The following NINL variants were observed in gnomAD, a reference collection of about 807,000 sequenced individuals.
NINL encodes the protein ninein-like protein.
NINL carries 153 observed loss-of-function variants against 160.3 expected under a neutral mutation model. The observed-to-expected ratio is 0.95, with a 90% CI of 0.84 to 1.09. The LOEUF is 1.09. Among genes scored for constraint, NINL ranks in the 50% least tolerant of loss-of-function variants. NINL has a pLI of 0.00. For missense variants in NINL, 1,829 were observed against 1,764.0 expected, an observed-to-expected ratio of 1.04 and a Z score of -0.66; for synonymous variants, 800 against 734.8, an observed-to-expected ratio of 1.09 and a Z score of -1.43.
At chr20:25,483,490 T>C (rs1375373813) in intron 13 of NINL, among the ~76,000 whole-genome samples, 1 of 152,284 alleles carries the variant, frequency 6.6e-6, no homozygotes, top group African/African-American at 2.4e-5. Flanking sequence ...CCACTGAATT[T>C]GCAAAGGGTT....
intron 18 of NINL, among the ~76,000 whole-genome samples, chr20:25,468,978 T>C (rs1476554865): frequency 5.5e-4 from 59 of 107,212 alleles, no homozygotes; most frequent in African/African-American, 7.7e-4. Flanking sequence ...CCCTGTCCCC[T>C]GACTCTCACT....
At chr20:25,566,178 C>A (rs998114006) in intron 1 of NINL, among the ~76,000 whole-genome samples, 1 of 152,188 alleles carries the variant, frequency 6.6e-6, no homozygotes, top group Admixed American at 6.5e-5. Flanking sequence ...CTGGAGAACC[C>A]TCATACACCA....
chr20:25,453,638 T>C lies in NINL; in HGVS notation c.3962A>G (p.Glu1321Gly), dbSNP rs748488492. The change falls in exon 24 of 24, where the codon GAA (glutamate) becomes GGA (glycine). Residue 1321 changes from glutamate to glycine, a missense_variant. Transcript: ENST00000278886. ...CAGCAGGTCGGACTTCGTGTTCTTT[T>C]CAAACTAGAGAGGGGAGGAAGCCAT... ...EKVDKLKEQFEKNTKSDLLLK... is the reference protein window; with the variant it reads ...EKVDKLKEQFGKNTKSDLLLK... 4 of 1,603,184 alleles carry C rather than the reference T, an allele frequency of 2.5e-6. No homozygotes were observed. The East Asian group carries it at 9.0e-5, about 36-fold the overall frequency.
chr20:25,579,714 C>A (rs1364153493), intron 1 of NINL, among the ~76,000 whole-genome samples: 1 of 152,156 alleles, frequency 6.6e-6, no homozygotes, highest in Non-Finnish European at 1.5e-5. Flanking sequence ...AAGCCAAGCT[C>A]CCTCTCTCCA....
At chr20:25,472,324 GATATATATATATATATATAT>G (rs56260321) in intron 17 of NINL, among the ~76,000 whole-genome samples, 42 of 83,954 alleles carry the variant, frequency 5.0e-4, no homozygotes, top group South Asian at 4.0e-3. Flanking sequence ...GGGAGGAGAG[GATATATATATATATATATAT>G]ATATATATAT....
chr20:25,457,016 G>A (rs2090701973), intron 22 of NINL, among the ~76,000 whole-genome samples: 1 of 152,084 alleles, frequency 6.6e-6, no homozygotes, highest in Non-Finnish European at 1.5e-5. Context: ...TCTGTCCAGA[G>A]CAAGGGTTTA....
intron 1 of NINL, among the ~76,000 whole-genome samples, chr20:25,550,299 G>A (rs183648710): frequency 3.9e-5 from 6 of 152,344 alleles, no homozygotes; most frequent in East Asian, 1.9e-4. Flanking sequence ...CACTTGAGCC[G>A]AGAGGTTAAG....
At chr20:25,542,311 G>A (rs1274223030) in intron 1 of NINL, among the ~76,000 whole-genome samples, 1 of 152,136 alleles carries the variant, frequency 6.6e-6, no homozygotes, top group Non-Finnish European at 1.5e-5. Flanking sequence ...GGCTGACTGT[G>A]AAGAACAGAA....
intron 8 of NINL, 121 bp from the exon 9 acceptor site, chr20:25,498,467 C>T: frequency 1.5e-6 from 2 of 1,291,980 alleles, no homozygotes; most frequent in Middle Eastern, 2.7e-4. Flanking sequence ...GCACCTGCCC[C>T]TCCTGTCTGC....
chr20:25,475,211 T>C (rs1352774672), intron 17 of NINL, among the ~76,000 whole-genome samples: 1 of 151,342 alleles, frequency 6.6e-6, no homozygotes, highest in African/African-American at 2.4e-5. Flanking sequence ...ACAGCACCAC[T>C]GCACTCCAGC....
intron 17 of NINL, among the ~76,000 whole-genome samples, chr20:25,472,335 A>ATATATATG (rs2063117997): frequency 1.0e-4 from 4 of 39,242 alleles, no homozygotes; most frequent in African/African-American, 4.3e-4. Flanking sequence ...ATATATATAT[A>ATATATATG]TATATATATA....
In NINL at chr20:25,504,952, T is replaced by C. The variant is rs1170830173; in HGVS notation, c.644A>G (p.His215Arg). The change falls in exon 6 of 24, where the codon CAC (histidine) becomes CGC (arginine). Residue 215 changes from histidine to arginine, a missense_variant. His to Arg is a conservative substitution (Grantham distance 29). Transcript: ENST00000278886. The part of the protein sequence containing the change: ...WEELGVGSSG[H>R]LSEQELAVVC... ...CACAGCCAGCTCCTGCTCGCTCAGG[T>C]GTCCGCTGCTGCCCACCCCCAGCTC... 1.2e-6 allele frequency: 2 copies of C among 1,612,910 alleles called. No individual in the cohort carries two copies. Among genetic ancestry groups the C allele is most frequent in the Middle Eastern group, 1.9e-4 (1 of 5,196 alleles).
At chr20:25,523,632 G>A (rs2064301853) in intron 2 of NINL, among the ~76,000 whole-genome samples, 1 of 151,890 alleles carries the variant, frequency 6.6e-6, no homozygotes, top group South Asian at 2.1e-4. Context: ...GACTGGATAT[G>A]TAGTATTTGT....
chr20:25,566,690 A>C (rs1342324060), intron 1 of NINL, among the ~76,000 whole-genome samples: 1 of 152,232 alleles, frequency 6.6e-6, no homozygotes. Flanking sequence ...GTGCTTTGGG[A>C]GGCCAAGGCA....
intron 8 of NINL, 43 bp downstream of exon 8, chr20:25,500,797 C>A: frequency 6.3e-7 from 1 of 1,591,170 alleles, no homozygotes; most frequent in Non-Finnish European, 8.6e-7. Context: ...CAGACGGGCC[C>A]CCCAGGTCCC....
At chr20:25,537,579 T>A (rs974741837) in intron 1 of NINL, among the ~76,000 whole-genome samples, 3 of 152,136 alleles carry the variant, frequency 2.0e-5, no homozygotes, top group Non-Finnish European at 4.4e-5. Flanking sequence ...AATACCATAG[T>A]AAACACTGAA....
chr20:25,554,082 G>GT (rs1283779651), intron 1 of NINL, among the ~76,000 whole-genome samples: 2 of 152,228 alleles, frequency 1.3e-5, no homozygotes, highest in Admixed American at 1.3e-4. Context: ...TGTGGGGGAA[G>GT]TGAGAGTGAA....
intron 1 of NINL, among the ~76,000 whole-genome samples, chr20:25,527,854 C>T (rs1259269603): frequency 6.6e-6 from 1 of 152,052 alleles, no homozygotes; most frequent in Non-Finnish European, 1.5e-5. Context: ...TATCTACTTA[C>T]ATGAAATTCC....
At chr20:25,489,727 G>T in intron 12 of NINL, 148 bp downstream of exon 12, 3 of 658,504 alleles carry the variant, frequency 4.6e-6, no homozygotes, top group East Asian at 2.7e-5. Flanking sequence ...CAGAGGGAAG[G>T]CCTCATGCTG....
Sources: gnomAD v4.1 joint callset for allele counts (sites outside exome capture counted in the v4.1 genomes callset) on GRCh38, gnomAD v4.1.1 for gene constraint, MANE v1.5 for transcripts, NCBI Gene and HGNC (gene_info 2026-07-23, HGNC 2026-07-21) for gene names.